The following BCAT1 variants were observed in gnomAD, a reference collection of about 807,000 sequenced individuals.
BCAT1 encodes the protein branched-chain-amino-acid aminotransferase, cytosolic.
BCAT1 carries 48 observed loss-of-function variants against 52.4 expected under a neutral mutation model. That is an observed-to-expected ratio of 0.92 (90% CI 0.73 to 1.16). BCAT1 has a LOEUF of 1.16. Among genes scored for constraint, BCAT1 ranks in the 50% most tolerant of loss-of-function variants. BCAT1 has a pLI of 0.00. For synonymous variants in BCAT1, 167 were observed against 161.3 expected (o/e 1.04, Z -0.27); for missense variants, 451 against 457.1 (o/e 0.99, Z 0.12).
intron 1 of BCAT1, among the ~76,000 whole-genome samples, chr12:24,938,385 G>T (rs1469155593): frequency 6.6e-6 from 1 of 152,158 alleles, no homozygotes; most frequent in Non-Finnish European, 1.5e-5. Context: ...GGTAATATTG[G>T]TTGCAAAGGT....
chr12:24,855,764 C>A (rs775945228), intron 5 of BCAT1, among the ~76,000 whole-genome samples: 1 of 152,068 alleles, frequency 6.6e-6, no homozygotes, highest in Non-Finnish European at 1.5e-5. Context: ...TCTGCTGATT[C>A]CATCTTTATT....
chr12:24,946,189 T>C (rs1943930550), intron 1 of BCAT1, among the ~76,000 whole-genome samples: 1 of 152,234 alleles, frequency 6.6e-6, no homozygotes, highest in South Asian at 2.1e-4. Context: ...AATAATTTAC[T>C]CATAAGCCCA....
At chr12:24,847,110 T>C (rs1210954240) in intron 6 of BCAT1, among the ~76,000 whole-genome samples, 3 of 152,176 alleles carry the variant, frequency 2.0e-5, no homozygotes, top group Non-Finnish European at 4.4e-5. Context: ...CTGTGCAAGG[T>C]ATTATTGCCT....
chr12:24,901,486 C>G (rs1828772544), intron 2 of BCAT1, among the ~76,000 whole-genome samples: 1 of 152,114 alleles, frequency 6.6e-6, no homozygotes, highest in African/African-American at 2.4e-5. Context: ...CACAGTTTAA[C>G]TTTTTCTACA....
At chr12:24,825,931 G>A (rs1420520939) in intron 10 of BCAT1, among the ~76,000 whole-genome samples, 1 of 152,114 alleles carries the variant, frequency 6.6e-6, no homozygotes, top group African/African-American at 2.4e-5. Context: ...ATCTTCGCTG[G>A]CCAGGGACAG....
chr12:24,895,415 A>C (rs1416836857), intron 2 of BCAT1, among the ~76,000 whole-genome samples: 2 of 152,012 alleles, frequency 1.3e-5, no homozygotes, highest in Admixed American at 6.6e-5. Context: ...AGTCGCAGCT[A>C]CTCAGGAGGC....
rs1262697243 is a variant in BCAT1 at position 24,836,980 on chromosome 12, AGG to A, written c.818-386_818-385del. Reference sequence around the variant, plus strand: ...AAAAGAGAAAGAAAGAAAGAGAGAGAGGGAGGGAGGGAGGAAGGAACGAAGGA... The same window carrying A: ...AAAAGAGAAAGAAAGAAAGAGAGAGAGAGGGAGGGAGGAAGGAACGAAGGA... On this transcript the variant is annotated intron_variant, in intron 7 of 10. Transcript: ENST00000261192. Among the ~76,000 whole-genome samples, 2 of 143,786 alleles carry A rather than the reference AGG, an allele frequency of 1.4e-5. 1 individual carries two copies. The highest frequency in any genetic ancestry group is 5.1e-5 in the African/African-American group (2 of 39,080). The allele number at this position is 143,786 out of a possible 152,430, so 94.3% of individuals were successfully genotyped here.
intron 1 of BCAT1, among the ~76,000 whole-genome samples, chr12:24,911,595 A>G (rs566166277): frequency 2.0e-5 from 3 of 152,326 alleles, no homozygotes; most frequent in Admixed American, 6.5e-5. Flanking sequence ...GCATATCTCA[A>G]TATATACACA....
At chr12:24,826,206 T>C (rs1940391824) in intron 10 of BCAT1, among the ~76,000 whole-genome samples, 2 of 152,200 alleles carry the variant, frequency 1.3e-5, no homozygotes, top group African/African-American at 4.8e-5. Flanking sequence ...AATGAGATCT[T>C]TGCTTAGACC....
intron 7 of BCAT1, among the ~76,000 whole-genome samples, chr12:24,836,912 A>AAGAAAGAAAGAAAGAG (rs1940973094): frequency 4.9e-5 from 1 of 20,244 alleles, no homozygotes; most frequent in Admixed American, 3.7e-4. Flanking sequence ...GAAAGAGAGA[A>AAGAAAGAAAGAAAGAG]AGAAAGAAAG....
chr12:24,943,479 T>G (rs1387882917), intron 1 of BCAT1, among the ~76,000 whole-genome samples: 2 of 96,470 alleles, frequency 2.1e-5, no homozygotes, highest in East Asian at 7.1e-4. Context: ...GGTGACAGAA[T>G]GAGACCCTAT....
chr12:24,821,487 T>C (rs778358743), intron 10 of BCAT1, among the ~76,000 whole-genome samples: 1 of 152,228 alleles, frequency 6.6e-6, no homozygotes, highest in Non-Finnish European at 1.5e-5. Context: ...TGTCAACATG[T>C]ATCTCATTTT....
In BCAT1 at chr12:24,848,952, A is replaced by G. The variant is rs567414164; in HGVS notation, c.674+834T>C. ...TACAGAGGGGTCAAAGCCAGTGGTC[A>G]TTGCCTCTAATACCCCAGCAGCACG... On this transcript the variant is annotated intron_variant, in intron 6 of 10. Coordinates refer to ENST00000261192, the MANE Select transcript of BCAT1 (RefSeq NM_005504.7). Among the ~76,000 whole-genome samples, 5 of 152,304 alleles carry G rather than the reference A, an allele frequency of 3.3e-5. No individual in the cohort carries two copies. In the South Asian group the frequency reaches 1.0e-3, roughly 32 times the overall value.
intron 1 of BCAT1, chr12:24,903,069 G>T: frequency 7.2e-7 from 1 of 1,389,384 alleles, no homozygotes; most frequent in Non-Finnish European, 9.3e-7. Flanking sequence ...AGGCGGTGTG[G>T]CCAAGCCCCG....
intron 5 of BCAT1, among the ~76,000 whole-genome samples, chr12:24,870,134 A>G (rs1196313554): frequency 1.3e-5 from 2 of 152,086 alleles, no homozygotes; most frequent in Admixed American, 6.6e-5. Flanking sequence ...GAAACTTCCC[A>G]TCTATTGTAT....
chr12:24,839,427 A>C (rs1186273294), intron 7 of BCAT1, among the ~76,000 whole-genome samples: 5 of 152,222 alleles, frequency 3.3e-5, no homozygotes, highest in Non-Finnish European at 2.9e-5. Flanking sequence ...TGTGAACTCA[A>C]CCACAAGGCC....
intron 1 of BCAT1, among the ~76,000 whole-genome samples, chr12:24,941,522 CTGAATCT>C (rs1943848173): frequency 1.3e-5 from 2 of 152,190 alleles, no homozygotes; most frequent in African/African-American, 4.8e-5. Flanking sequence ...ATCAATTAAT[CTGAATCT>C]TGAAAGTCCA....
intron 2 of BCAT1, among the ~76,000 whole-genome samples, chr12:24,895,800 G>A (rs1356613344): frequency 6.6e-6 from 1 of 152,042 alleles, no homozygotes; most frequent in Non-Finnish European, 1.5e-5. Context: ...TGAGTCATTT[G>A]ATATATTATG....
chr12:24,905,531 T>C (rs755653048), intron 1 of BCAT1, among the ~76,000 whole-genome samples: 12 of 152,208 alleles, frequency 7.9e-5, no homozygotes, highest in Non-Finnish European at 1.6e-4. Context: ...AAAGGGCCCA[T>C]GGAATCAGAA....
Sources: gnomAD v4.1 joint callset for allele counts (sites outside exome capture counted in the v4.1 genomes callset) on GRCh38, gnomAD v4.1.1 for gene constraint, MANE v1.5 for transcripts, NCBI Gene and HGNC (gene_info 2026-07-23, HGNC 2026-07-21) for gene names.